HS3ST2: variants seen among roughly 807,000 people sequenced by gnomAD.
The protein encoded by HS3ST2 is heparan sulfate glucosamine 3-O-sulfotransferase 2.
A neutral mutation model predicts 26.3 loss-of-function variants in HS3ST2; 17 were observed. That is an observed-to-expected ratio of 0.65 (90% CI 0.44 to 0.97). HS3ST2 has a LOEUF of 0.97. Among genes scored for constraint, HS3ST2 ranks in the 50% least tolerant of loss-of-function variants. The probability of loss-of-function intolerance (pLI) is 0.00; values close to 1 mark genes in which losing one functional copy is unlikely to be tolerated. For missense variants in HS3ST2, 402 were observed against 501.2 expected (o/e 0.80, Z 1.89); for synonymous variants, 237 against 219.2 (o/e 1.08, Z -0.72).
intron 1 of HS3ST2, among the ~76,000 whole-genome samples, chr16:22,836,640 T>G (rs117127260): frequency 0.042 from 6,327 of 152,238 alleles, 201 homozygotes; most frequent in Middle Eastern, 0.065. Flanking sequence ...CTGACCGCTG[T>G]GCAAGTTTAG....
intron 1 of HS3ST2, among the ~76,000 whole-genome samples, chr16:22,888,675 G>A (rs979518552): frequency 6.6e-6 from 1 of 151,958 alleles, no homozygotes; most frequent in African/African-American, 2.4e-5. Context: ...GTGTGCCACC[G>A]CGCCTGGCTC....
rs369522676 is a variant in HS3ST2 at position 22,880,552 on chromosome 16, C to T, written c.486-34392C>T. Among the ~76,000 whole-genome samples the T allele has an allele frequency of 1.6e-4, 25 of 152,316 alleles. No homozygotes were observed. The East Asian group carries it at 2.9e-3, about 18-fold the overall frequency. On this transcript the variant is annotated intron_variant, in intron 1 of 1. Coordinates refer to ENST00000261374, the MANE Select transcript of HS3ST2 (RefSeq NM_006043.2). ...GTCTATATTTTCTGTTTTACCTATT[C>T]GATCCCCTATTTGGCTGGTACCACT...
chr16:22,915,296 G>T lies in HS3ST2; in HGVS notation c.838G>T (p.Asp280Tyr). ...CGTCAGTGGCGAGCGACTCATCACT[G>T]ACCCGGCCGGCGAGATGGGGCGAGT... The part of the protein sequence containing the change: ...HFVSGERLIT[D>Y]PAGEMGRVQD... The change falls in exon 2 of 2, where the codon GAC becomes TAC. Residue 280 changes from aspartate to tyrosine, a missense_variant. Transcript: ENST00000261374. 6.2e-7 allele frequency: 1 copy of T among 1,614,050 alleles called. No individual in the cohort carries two copies. The highest frequency in any genetic ancestry group is 8.5e-7 in the Non-Finnish European group (1 of 1,180,032).
chr16:22,839,025 A>T (rs1400449702), intron 1 of HS3ST2, among the ~76,000 whole-genome samples: 1 of 152,212 alleles, frequency 6.6e-6, no homozygotes, highest in Non-Finnish European at 1.5e-5. Context: ...CTGGGCTGTG[A>T]TTAACATGGT....
intron 1 of HS3ST2, among the ~76,000 whole-genome samples, chr16:22,846,764 T>C (rs1901438922): frequency 6.6e-6 from 1 of 152,022 alleles, no homozygotes; most frequent in Non-Finnish European, 1.5e-5. Context: ...CACTCCTAGG[T>C]ATGTAACTCA....
intron 1 of HS3ST2, among the ~76,000 whole-genome samples, chr16:22,827,612 T>C (rs1176102607): frequency 2.0e-5 from 3 of 151,960 alleles, no homozygotes; most frequent in African/African-American, 7.2e-5. Flanking sequence ...AAAGACGGCA[T>C]TGGTGATGAT....
At chr16:22,901,625 G>T (rs1043497931) in intron 1 of HS3ST2, among the ~76,000 whole-genome samples, 3 of 152,192 alleles carry the variant, frequency 2.0e-5, no homozygotes, top group Non-Finnish European at 4.4e-5. Flanking sequence ...CTGCAGATAG[G>T]ACCAAAGAAA....
chr16:22,868,160 C>T lies in HS3ST2; in HGVS notation c.486-46784C>T, dbSNP rs183916790. On this transcript the variant is annotated intron_variant, in intron 1 of 1. Coordinates refer to ENST00000261374, the MANE Select transcript of HS3ST2 (RefSeq NM_006043.2). ...TGGTGGCCCACACCTGTAATCCCAG[C>T]ACTTTGGGAGGCGGAGGTGGGCAGA... 2.0e-4 allele frequency among the ~76,000 whole-genome samples: 30 copies of T among 152,242 alleles called. No individual in the cohort carries two copies. In the East Asian group the frequency reaches 5.6e-3, roughly 28 times the overall value.
intron 1 of HS3ST2, among the ~76,000 whole-genome samples, chr16:22,858,256 A>G (rs536200919): frequency 2.6e-4 from 39 of 151,682 alleles, no homozygotes; most frequent in Non-Finnish European, 5.3e-4. Flanking sequence ...ATTTACCTTG[A>G]TGTGATTATT....
At chr16:22,886,768 C>CT (rs370294994) in intron 1 of HS3ST2, among the ~76,000 whole-genome samples, 74 of 146,356 alleles carry the variant, frequency 5.1e-4, no homozygotes, top group South Asian at 8.8e-4. Flanking sequence ...ACTTCTTTTT[C>CT]TTTTTTTTTT....
In HS3ST2 at chr16:22,915,778, T is replaced by G; in HGVS notation, c.*216T>G. ...TCAGTCTGTTCAAGCAAAGTTGATC[T>G]GCTCCTGGCACGTCCAGTAAATTCC... is the stretch of plus-strand genomic sequence containing the variant. On this transcript the variant is annotated 3_prime_UTR_variant, in exon 2 of 2. Coordinates refer to ENST00000261374, the MANE Select transcript of HS3ST2 (RefSeq NM_006043.2). 1 of 574,796 alleles carries G rather than the reference T, an allele frequency of 1.7e-6. No individual in the cohort carries two copies. The highest frequency in any genetic ancestry group is 3.1e-6 in the Non-Finnish European group (1 of 324,778). 35.6% of individuals were successfully genotyped at this position (574,796 alleles called of 1,614,324 possible).
chr16:22,871,722 C>T (rs1901841747), intron 1 of HS3ST2, among the ~76,000 whole-genome samples: 1 of 152,166 alleles, frequency 6.6e-6, no homozygotes, highest in Admixed American at 6.5e-5. Flanking sequence ...ATGAATAAAC[C>T]TGGCCCAATG....
intron 1 of HS3ST2, among the ~76,000 whole-genome samples, chr16:22,875,428 T>A (rs909759166): frequency 1.3e-5 from 2 of 152,154 alleles, no homozygotes; most frequent in African/African-American, 4.8e-5. Flanking sequence ...TCGCCCAGGC[T>A]GGAGTGCAGT....
intron 1 of HS3ST2, among the ~76,000 whole-genome samples, chr16:22,905,057 C>T (rs990314180): frequency 2.0e-5 from 3 of 152,302 alleles, no homozygotes; most frequent in Admixed American, 6.5e-5. Flanking sequence ...ATTATCTCTC[C>T]GGAGACTGCA....
chr16:22,899,728 A>AAG (rs765091602), intron 1 of HS3ST2, among the ~76,000 whole-genome samples: 162 of 152,342 alleles, frequency 1.1e-3, no homozygotes, highest in Admixed American at 4.4e-3. Flanking sequence ...GGCAACAGGC[A>AAG]AGAGAGAGAG....
intron 1 of HS3ST2, among the ~76,000 whole-genome samples, chr16:22,861,669 A>G (rs1901676088): frequency 6.6e-6 from 1 of 152,178 alleles, no homozygotes; most frequent in Non-Finnish European, 1.5e-5. Flanking sequence ...AACTCCTTCT[A>G]GAAGTCATGG....
At chr16:22,869,928 A>C (rs1232635991) in intron 1 of HS3ST2, among the ~76,000 whole-genome samples, 2 of 151,992 alleles carry the variant, frequency 1.3e-5, no homozygotes, top group Non-Finnish European at 2.9e-5. Flanking sequence ...TGGGTCACAG[A>C]CTCCTTGAGA....
At chr16:22,821,266 C>CAT (rs1374224316) in intron 1 of HS3ST2, among the ~76,000 whole-genome samples, 1 of 151,876 alleles carries the variant, frequency 6.6e-6, no homozygotes, top group Admixed American at 6.6e-5. Context: ...TCTGGAGACA[C>CAT]ATCCAAAGGG....
intron 1 of HS3ST2, among the ~76,000 whole-genome samples, chr16:22,822,602 C>T (rs1403688988): frequency 2.0e-5 from 3 of 151,980 alleles, no homozygotes; most frequent in African/African-American, 7.2e-5. Context: ...GCCTGTAATC[C>T]CAGCACTTTG....
Sources: allele counts gnomAD v4.1 joint callset (sites outside exome capture counted in the v4.1 genomes callset), GRCh38; gene constraint gnomAD v4.1.1; transcripts MANE v1.5; gene names NCBI Gene and HGNC (gene_info 2026-07-23, HGNC 2026-07-21).